Variants in NUP153 observed in about 807,000 individuals in gnomAD.
NUP153 encodes the protein nucleoporin 153.
NUP153 carries 27 observed loss-of-function variants against 134.6 expected under a neutral mutation model. The ratio of observed to expected loss-of-function variants is 0.20; its 90% CI spans 0.15 to 0.28. The LOEUF (loss-of-function observed/expected upper bound fraction) is 0.28, where lower values mean the gene tolerates loss of function less well. Ranked by LOEUF, NUP153 falls within the 10% of genes least tolerant of loss-of-function variation. NUP153 has a pLI of 1.00. For synonymous variants in NUP153, 640 were observed against 623.5 expected, an observed-to-expected ratio of 1.03 and a Z score of -0.40; for missense variants, 1,821 against 1,731.3, an observed-to-expected ratio of 1.05 and a Z score of -0.92.
chr6:17,641,818 C>T (rs1037573074), intron 14 of NUP153, among the ~76,000 whole-genome samples: 2 of 148,782 alleles, frequency 1.3e-5, no homozygotes, highest in Admixed American at 1.4e-4. Context: ...CACAACTGCA[C>T]TCCAGGTTGG....
At chr6:17,683,368 A>C (rs1768727334) in intron 2 of NUP153, among the ~76,000 whole-genome samples, 1 of 152,254 alleles carries the variant, frequency 6.6e-6, no homozygotes, top group Non-Finnish European at 1.5e-5. Flanking sequence ...GAGACTGGAA[A>C]GTCAAAATGC....
chr6:17,704,647 G>T (rs1046207526), intron 1 of NUP153, among the ~76,000 whole-genome samples: 4 of 149,828 alleles, frequency 2.7e-5, no homozygotes, highest in African/African-American at 9.9e-5. Flanking sequence ...CATCAGTAGA[G>T]AACGACTGAA....
chr6:17,649,035 A>G, intron 12 of NUP153, 128 bp downstream of exon 12: 4 of 856,474 alleles, frequency 4.7e-6, no homozygotes, highest in Non-Finnish European at 5.1e-6. Flanking sequence ...CAGCATTTCC[A>G]TTTCTCTGTT....
chr6:17,641,520 C>T (rs1295369336), intron 14 of NUP153, among the ~76,000 whole-genome samples: 4 of 151,610 alleles, frequency 2.6e-5, no homozygotes, highest in African/African-American at 4.9e-5. Context: ...GGTGACAGAG[C>T]GAGACTCCGT....
intron 20 of NUP153, among the ~76,000 whole-genome samples, chr6:17,622,443 C>T (rs372015889): frequency 5.3e-5 from 8 of 152,214 alleles, no homozygotes; most frequent in East Asian, 3.9e-4. Flanking sequence ...CCAGTTTGTG[C>T]GGCAAGGTGA....
chr6:17,648,211 T>C (rs1167944736), intron 12 of NUP153, among the ~76,000 whole-genome samples: 1 of 152,194 alleles, frequency 6.6e-6, no homozygotes, highest in Non-Finnish European at 1.5e-5. Flanking sequence ...GCAGGCCAGG[T>C]ACAGTGCCTC....
chr6:17,683,909 T>C lies in NUP153; in HGVS notation c.334+4487A>G, dbSNP rs555343143. Reference sequence around the variant, plus strand: ...TCCTATGCTGAAATTTGATCCTCAATGTTGGAAGTGGGGTCATGGGAAGTC... The same window carrying C: ...TCCTATGCTGAAATTTGATCCTCAACGTTGGAAGTGGGGTCATGGGAAGTC... On this transcript the variant is annotated intron_variant, in intron 2 of 21. Transcript: ENST00000262077. Among the ~76,000 whole-genome samples, 6 of 152,280 alleles carry C rather than the reference T, an allele frequency of 3.9e-5. No homozygotes were observed. In the South Asian group the frequency reaches 6.2e-4, roughly 16 times the overall value.
chr6:17,698,533 T>C (rs528042218), intron 1 of NUP153, among the ~76,000 whole-genome samples: 2 of 151,898 alleles, frequency 1.3e-5, no homozygotes, highest in South Asian at 2.1e-4. Context: ...GGTCAGGAGA[T>C]TGAGACCATC....
chr6:17,678,442 A>C (rs550783382), intron 2 of NUP153, among the ~76,000 whole-genome samples: 4 of 152,238 alleles, frequency 2.6e-5, no homozygotes, highest in African/African-American at 9.6e-5. Context: ...TCCAAATAGA[A>C]ATAAAGAGTG....
intron 11 of NUP153, among the ~76,000 whole-genome samples, chr6:17,656,660 C>T (rs906410378): frequency 2.6e-4 from 39 of 152,230 alleles, no homozygotes; most frequent in African/African-American, 9.4e-4. Context: ...GAAAGGAAAG[C>T]TTTACTTAGA....
chr6:17,616,279 G>A (rs886704073), intron 21 of NUP153, 98 bp from the exon 22 acceptor site: 4 of 475,678 alleles, frequency 8.4e-6, no homozygotes, highest in Admixed American at 3.8e-5. Context: ...AAGGGGGGTC[G>A]GGTGGGGGGG....
chr6:17,649,490 G>C (rs1766394610), intron 11 of NUP153, among the ~76,000 whole-genome samples, 190 bp from the exon 12 acceptor site: 1 of 152,116 alleles, frequency 6.6e-6, no homozygotes, highest in Non-Finnish European at 1.5e-5. Flanking sequence ...TTTGACTTGG[G>C]GAACCTAACT....
intron 2 of NUP153, among the ~76,000 whole-genome samples, chr6:17,676,014 T>C (rs138125720): frequency 2.0e-5 from 3 of 152,286 alleles, no homozygotes; most frequent in East Asian, 1.9e-4. Flanking sequence ...GATACAACAG[T>C]TGAAATACAA....
chr6:17,676,744 C>T (rs538506142), intron 2 of NUP153, among the ~76,000 whole-genome samples: 1 of 152,226 alleles, frequency 6.6e-6, no homozygotes, highest in South Asian at 2.1e-4. Context: ...TGTCTAGGAA[C>T]ATTTTCAGAC....
rs918092301 is a variant in NUP153 at position 17,661,905 on chromosome 6, TTA to T, written c.1268+111_1268+112del. Reference sequence around the variant, plus strand: ...CGTGATTCTAAAATCTTAGATTTCTTTATATAAAGTTTCTGTTCTTTGATTTT... The same window carrying T: ...CGTGATTCTAAAATCTTAGATTTCTTTATAAAGTTTCTGTTCTTTGATTTT... On this transcript the variant is annotated intron_variant, in intron 10 of 21. Transcript: ENST00000262077. The T allele has an allele frequency of 2.6e-5, 33 of 1,279,238 alleles. No individual in the cohort carries two copies. In the African/African-American group the frequency reaches 4.4e-4, roughly 17 times the overall value. 79.2% of individuals were successfully genotyped at this position (1,279,238 alleles called of 1,614,324 possible).
At chr6:17,695,953 G>C (rs1203382853) in intron 1 of NUP153, among the ~76,000 whole-genome samples, 16 of 152,086 alleles carry the variant, frequency 1.1e-4, no homozygotes, top group Admixed American at 6.5e-5. Flanking sequence ...AGCTTGCAGT[G>C]AGCTGAGATT....
intron 5 of NUP153, among the ~76,000 whole-genome samples, chr6:17,671,866 G>GT (rs1767933421): frequency 6.6e-6 from 1 of 152,112 alleles, no homozygotes; most frequent in Non-Finnish European, 1.5e-5. Flanking sequence ...AAATTAGTGG[G>GT]GCATGGTGGT....
rs1764936514 is a variant in NUP153 at position 17,626,110 on chromosome 6, G to A, written c.3599C>T (p.Ser1200Leu). The A allele has an allele frequency of 1.2e-6, 2 of 1,613,498 alleles. No homozygotes were observed. Among genetic ancestry groups the A allele is most frequent in the Non-Finnish European group, 8.5e-7 (1 of 1,180,018 alleles). The change falls in exon 19 of 22, where the codon TCA becomes TTA. Residue 1200 changes from serine to leucine, a missense_variant. Transcript: ENST00000262077. ...ACCAGCAGAAGTGGCTGGTGTACTT[G>A]AACTAGAGGAACTGTTGTTCAAGAA... ...FSFLNNSSSS[S>L]STPATSAGGG...
At chr6:17,664,532 A>C (rs1767397992) in intron 9 of NUP153, among the ~76,000 whole-genome samples, 1 of 152,196 alleles carries the variant, frequency 6.6e-6, no homozygotes, top group African/African-American at 2.4e-5. Flanking sequence ...ATATTAGATA[A>C]TTTTAAGGAA....
Sources: gnomAD v4.1 joint callset for allele counts (sites outside exome capture counted in the v4.1 genomes callset) on GRCh38, gnomAD v4.1.1 for gene constraint, MANE v1.5 for transcripts, NCBI Gene and HGNC (gene_info 2026-07-23, HGNC 2026-07-21) for gene names.